The following BBX variants were observed in gnomAD, a reference collection of about 807,000 sequenced individuals.
BBX encodes the protein HMG box transcription factor BBX.
BBX carries 30 observed loss-of-function variants against 100.2 expected under a neutral mutation model. The ratio of observed to expected loss-of-function variants is 0.30; its 90% CI spans 0.22 to 0.41. The LOEUF (loss-of-function observed/expected upper bound fraction) is 0.41, where lower values mean the gene tolerates loss of function less well. Among genes scored for constraint, BBX ranks in the 10% least tolerant of loss-of-function variants. The probability of loss-of-function intolerance (pLI) is 1.00; values close to 1 mark genes in which losing one functional copy is unlikely to be tolerated. For missense variants in BBX, 1,023 were observed against 1,129.8 expected (o/e 0.91, Z 1.35); for synonymous variants, 376 against 388.1 (o/e 0.97, Z 0.37).
chr3:107,645,610 G>A (rs552954448), intron 2 of BBX, among the ~76,000 whole-genome samples: 121 of 152,198 alleles, frequency 8.0e-4, no homozygotes, highest in Non-Finnish European at 1.4e-3. Context: ...CAGAATTTCC[G>A]TTGAATAATT....
intron 9 of BBX, among the ~76,000 whole-genome samples, chr3:107,748,417 ACTCT>A (rs1460508750): frequency 6.6e-6 from 1 of 152,028 alleles, no homozygotes; most frequent in African/African-American, 2.4e-5. Context: ...TTCATGAATG[ACTCT>A]CTCACAGTGA....
chr3:107,589,070 A>G (rs1464966624), intron 2 of BBX, among the ~76,000 whole-genome samples: 1 of 152,154 alleles, frequency 6.6e-6, no homozygotes, highest in East Asian at 1.9e-4. Flanking sequence ...TGAACCTTCC[A>G]TTTGACCTTT....
Position 107,778,717 on chromosome 3 carries a change from T to G in BBX, c.2203+198T>G, listed in dbSNP as rs528342505. 1.6e-4 allele frequency among the ~76,000 whole-genome samples: 25 copies of G among 152,166 alleles called. 1 individual carries two copies. The East Asian group carries it at 4.8e-3, about 29-fold the overall frequency. ...TCTGTAGCCTCTGTCCATTGGCATC[T>G]CAGTCTGTATATTTGCCCGTGATGG... On this transcript the variant is annotated intron_variant, in intron 13 of 17. Transcript: ENST00000325805.
chr3:107,606,264 G>A (rs2054429970), intron 2 of BBX, among the ~76,000 whole-genome samples: 1 of 152,154 alleles, frequency 6.6e-6, no homozygotes, highest in African/African-American at 2.4e-5. Flanking sequence ...GTCAGCAGTG[G>A]GAGATTTAAT....
chr3:107,624,903 A>G (rs1239040762), intron 2 of BBX, among the ~76,000 whole-genome samples: 1 of 152,206 alleles, frequency 6.6e-6, no homozygotes, highest in East Asian at 1.9e-4. Context: ...TTTACTTAGG[A>G]GAATAACATT....
chr3:107,741,098 C>T (rs531035879), intron 7 of BBX, among the ~76,000 whole-genome samples: 18 of 151,634 alleles, frequency 1.2e-4, no homozygotes, highest in African/African-American at 3.9e-4. Context: ...AGGGTAGGAA[C>T]GTATGGCTCA....
intron 5 of BBX, among the ~76,000 whole-genome samples, chr3:107,722,261 G>A (rs2062596632): frequency 6.6e-6 from 1 of 151,934 alleles, no homozygotes. Context: ...AATAAATTGA[G>A]AATTTAAACT....
At chr3:107,598,195 G>T (rs892471430) in intron 2 of BBX, among the ~76,000 whole-genome samples, 1 of 152,164 alleles carries the variant, frequency 6.6e-6, no homozygotes, top group Non-Finnish European at 1.5e-5. Flanking sequence ...TTTCTAGGGG[G>T]TGTGTGTGTA....
chr3:107,701,770 TA>T (rs1194450352), intron 3 of BBX, among the ~76,000 whole-genome samples: 1 of 150,982 alleles, frequency 6.6e-6, no homozygotes, highest in Non-Finnish European at 1.5e-5. Flanking sequence ...ATTTATACAC[TA>T]AAGGAAGCAA....
intron 2 of BBX, among the ~76,000 whole-genome samples, chr3:107,546,944 AGTTT>A (rs778319495): frequency 6.8e-5 from 8 of 117,842 alleles, no homozygotes; most frequent in Non-Finnish European, 1.7e-4. Flanking sequence ...CTGTTCTGTT[AGTTT>A]ATTTATTCTG....
chr3:107,584,815 T>C (rs681211), intron 2 of BBX, among the ~76,000 whole-genome samples: 24,271 of 149,644 alleles, frequency 0.16, 2,563 homozygotes, highest in African/African-American at 0.29. Context: ...CTTCAGCCTC[T>C]GGAGTAGCTG....
chr3:107,641,718 CAA>C (rs917150474), intron 2 of BBX: 1 of 152,150 alleles, frequency 6.6e-6, no homozygotes, highest in African/African-American at 2.4e-5. Flanking sequence ...GGGAAAGTGA[CAA>C]AGAGGTAATT....
intron 2 of BBX, among the ~76,000 whole-genome samples, chr3:107,549,253 C>G (rs1397386476): frequency 1.3e-5 from 2 of 152,064 alleles, no homozygotes; most frequent in African/African-American, 4.8e-5. Context: ...GTTCCTGGGA[C>G]TATAGTAATA....
chr3:107,777,281 G>A (rs558814371), intron 12 of BBX, among the ~76,000 whole-genome samples: 2 of 152,218 alleles, frequency 1.3e-5, no homozygotes, highest in African/African-American at 4.8e-5. Context: ...CAGTAAAGGG[G>A]TGCTTCCATA....
At chr3:107,656,971 A>G (rs1318914157) in intron 3 of BBX, 1 of 152,230 alleles carries the variant, frequency 6.6e-6, no homozygotes, top group African/African-American at 2.4e-5. Flanking sequence ...GGATACATGT[A>G]AAGTTACGGT....
chr3:107,642,515 G>A (rs1045480129), intron 2 of BBX, among the ~76,000 whole-genome samples: 1 of 152,190 alleles, frequency 6.6e-6, no homozygotes, highest in Non-Finnish European at 1.5e-5. Flanking sequence ...AGAACTCCTA[G>A]TTCGTGACCT....
At chr3:107,710,396 G>A (rs1398960628) in intron 3 of BBX, 56 bp from the exon 4 acceptor site, 30 of 1,385,734 alleles carry the variant, frequency 2.2e-5, no homozygotes, top group South Asian at 7.1e-5. Flanking sequence ...GATTTATCTC[G>A]GTGTCTCTCT....
intron 2 of BBX, among the ~76,000 whole-genome samples, chr3:107,535,359 A>C (rs1290061259): frequency 6.6e-6 from 1 of 152,048 alleles, no homozygotes; most frequent in Non-Finnish European, 1.5e-5. Flanking sequence ...GGGGCTTGTA[A>C]ATTTTCATCT....
In BBX at chr3:107,719,099, A is replaced by G. The variant is rs183520023; in HGVS notation, c.405+2250A>G. 9.7e-3 allele frequency among the ~76,000 whole-genome samples: 1,483 copies of G among 152,178 alleles called. 8 individuals carry two copies. Among genetic ancestry groups the G allele is most frequent in the Non-Finnish European group, 0.017 (1,159 of 67,936 alleles). ...AACAAATACTTAATAAGTGCCTTCA[A>G]TTTAACCAGGTTTTGTGATAGTTGC... On this transcript the variant is annotated intron_variant, in intron 5 of 17. Coordinates refer to ENST00000325805, the MANE Select transcript of BBX (RefSeq NM_001142568.3).
Sources: allele counts gnomAD v4.1 joint callset (sites outside exome capture counted in the v4.1 genomes callset), GRCh38; gene constraint gnomAD v4.1.1; transcripts MANE v1.5; gene names NCBI Gene and HGNC (gene_info 2026-07-23, HGNC 2026-07-21).